APAF1: variants seen among roughly 807,000 people sequenced by gnomAD.
The protein encoded by APAF1 is apoptotic protease-activating factor 1.
A neutral mutation model predicts 152.4 loss-of-function variants in APAF1; 91 were observed. The observed-to-expected ratio is 0.60, with a 90% CI of 0.50 to 0.71. The LOEUF (loss-of-function observed/expected upper bound fraction) is 0.71. APAF1 is among the 30% of genes least tolerant of loss of function. APAF1 has a pLI of 0.00. For synonymous variants in APAF1, 484 were observed against 494.1 expected (o/e 0.98, Z 0.27); for missense variants, 1,283 against 1,472.0 (o/e 0.87, Z 2.10).
intron 22 of APAF1, among the ~76,000 whole-genome samples, chr12:98,721,497 G>A (rs982434434): frequency 2.0e-5 from 3 of 152,200 alleles, no homozygotes; most frequent in Non-Finnish European, 4.4e-5. Flanking sequence ...ATGGAATAAG[G>A]TCTTTTATGC....
intron 21 of APAF1, chr12:98,712,752 G>A (rs998444875): frequency 3.3e-6 from 1 of 298,902 alleles, no homozygotes; most frequent in Non-Finnish European, 6.4e-6. Context: ...GGGTTTAAGC[G>A]ATTGTCCGGC....
chr12:98,710,057 A>G (rs1455757519), intron 20 of APAF1, among the ~76,000 whole-genome samples: 1 of 152,086 alleles, frequency 6.6e-6, no homozygotes, highest in Non-Finnish European at 1.5e-5. Flanking sequence ...TAATTTTAGT[A>G]GAGACAGGCT....
At chr12:98,698,465 T>C (rs1435482245) in intron 16 of APAF1, among the ~76,000 whole-genome samples, 1 of 152,230 alleles carries the variant, frequency 6.6e-6, no homozygotes, top group Non-Finnish European at 1.5e-5. Context: ...CAGGGAAGGC[T>C]GTTTTAGCAC....
chr12:98,729,239 C>T lies in APAF1; in HGVS notation c.3600+1923C>T, dbSNP rs529969095. On this transcript the variant is annotated intron_variant, in intron 26 of 26. Transcript: ENST00000551964. ...GGTAGAAGATGATACTCTATATCAG[C>T]GGTCCCCAGCCTTTTTGGCACTAGG... Among the ~76,000 whole-genome samples, 3 of 152,286 alleles carry T rather than the reference C, an allele frequency of 2.0e-5. No homozygotes were observed. The South Asian group carries it at 6.2e-4, about 32-fold the overall frequency.
chr12:98,685,386 A>G (rs2097696913), intron 15 of APAF1, among the ~76,000 whole-genome samples: 1 of 149,112 alleles, frequency 6.7e-6, no homozygotes, highest in Non-Finnish European at 1.5e-5. Context: ...GCCAGGCTGG[A>G]GTGCAGTGGC....
At chr12:98,708,997 C>T (rs748302396) in intron 20 of APAF1, among the ~76,000 whole-genome samples, 1 of 152,136 alleles carries the variant, frequency 6.6e-6, no homozygotes, top group Admixed American at 6.5e-5. Context: ...ATGTTGTCTA[C>T]AAGAGTGATT....
intron 3 of APAF1, chr12:98,649,216 G>T (rs1371472725): frequency 1.0e-6 from 1 of 984,190 alleles, no homozygotes; most frequent in African/African-American, 1.7e-5. Context: ...ATATGAGAGG[G>T]AATGAAAAGT....
At chr12:98,725,170 C>T (rs1452442627) in intron 24 of APAF1, among the ~76,000 whole-genome samples, 1 of 152,170 alleles carries the variant, frequency 6.6e-6, no homozygotes, top group Non-Finnish European at 1.5e-5. Flanking sequence ...CAGTGTTCTT[C>T]TGTCTAGGTC....
At chr12:98,674,439 G>GTCTCTCTCTCTCTCTC (rs34546993) in intron 12 of APAF1, among the ~76,000 whole-genome samples, 3 of 149,346 alleles carry the variant, frequency 2.0e-5, no homozygotes, top group African/African-American at 7.3e-5. Context: ...TGAAGTGGAG[G>GTCTCTCTCTCTCTCTC]TCTCTCTCTC....
chr12:98,686,324 G>C (rs2097698025), intron 15 of APAF1, among the ~76,000 whole-genome samples: 1 of 152,156 alleles, frequency 6.6e-6, no homozygotes. Context: ...TTGCTTCCTA[G>C]AGGTGGTACT....
chr12:98,709,334 G>A (rs2153338407), intron 20 of APAF1, among the ~76,000 whole-genome samples: 1 of 152,320 alleles, frequency 6.6e-6, no homozygotes, highest in Middle Eastern at 3.4e-3. Flanking sequence ...CCAACAAAGA[G>A]TGGGACACGT....
intron 19 of APAF1, 146 bp downstream of exon 19, chr12:98,706,756 T>A: frequency 1.1e-6 from 1 of 899,446 alleles, no homozygotes; most frequent in Admixed American, 1.9e-5. Flanking sequence ...AGTGCTGTTA[T>A]ATGGACTGTA....
At chr12:98,710,366 A>G (rs986348328) in intron 20 of APAF1, among the ~76,000 whole-genome samples, 1 of 152,064 alleles carries the variant, frequency 6.6e-6, no homozygotes, top group Non-Finnish European at 1.5e-5. Flanking sequence ...GTCTTATGCC[A>G]TCTTTTCGTT....
At chr12:98,710,081 C>T (rs2097726205) in intron 20 of APAF1, among the ~76,000 whole-genome samples, 2 of 151,866 alleles carry the variant, frequency 1.3e-5, no homozygotes, top group South Asian at 2.1e-4. Flanking sequence ...GCCATGTTGG[C>T]CTGGCTGGTC....
At chr12:98,718,082 A>C (rs1362990698) in intron 22 of APAF1, among the ~76,000 whole-genome samples, 1 of 152,136 alleles carries the variant, frequency 6.6e-6, no homozygotes, top group Non-Finnish European at 1.5e-5. Flanking sequence ...TTGATCCCTC[A>C]TTCTCAGAAT....
At chr12:98,712,179 A>G (rs946121787) in intron 20 of APAF1, 140 bp from the exon 21 acceptor site, 1 of 692,062 alleles carries the variant, frequency 1.4e-6, no homozygotes, top group Non-Finnish European at 2.6e-6. Context: ...TAAGACTAGG[A>G]TATGGCTTGT....
chr12:98,732,208 G>A (rs552931863), intron 26 of APAF1, among the ~76,000 whole-genome samples: 2 of 152,326 alleles, frequency 1.3e-5, no homozygotes, highest in Non-Finnish European at 1.5e-5. Context: ...TTGGAGTTGG[G>A]TGTAGGCGGA....
chr12:98,678,294 G>A (rs1412345218), intron 13 of APAF1, among the ~76,000 whole-genome samples: 1 of 152,252 alleles, frequency 6.6e-6, no homozygotes, highest in Non-Finnish European at 1.5e-5. Flanking sequence ...TCTTTTTGAT[G>A]GCAGCGGCGG....
At chr12:98,675,614 C>T (rs1034995053) in intron 12 of APAF1, among the ~76,000 whole-genome samples, 2 of 152,146 alleles carry the variant, frequency 1.3e-5, no homozygotes, top group African/African-American at 4.8e-5. Context: ...ATAGCATTTA[C>T]ATTGTACTAG....
Sources: gnomAD v4.1 joint callset for allele counts (sites outside exome capture counted in the v4.1 genomes callset) on GRCh38, gnomAD v4.1.1 for gene constraint, MANE v1.5 for transcripts, NCBI Gene and HGNC (gene_info 2026-07-23, HGNC 2026-07-21) for gene names.